The following MSR1 variants were observed in gnomAD, a reference collection of about 807,000 sequenced individuals.
MSR1 encodes the protein macrophage scavenger receptor types I and II.
A neutral mutation model predicts 47.2 loss-of-function variants in MSR1; 53 were observed. The ratio of observed to expected loss-of-function variants is 1.12; its 90% CI spans 0.90 to 1.41. MSR1 has a LOEUF of 1.41. MSR1 is among the 40% of genes most tolerant of loss of function. The pLI, the probability that MSR1 is intolerant of heterozygous loss-of-function variation, is 0.00. For synonymous variants in MSR1, 239 were observed against 185.6 expected (o/e 1.29, Z -2.34); for missense variants, 786 against 546.9 (o/e 1.44, Z -4.36).
At chr8:16,111,035 C>T (rs928428247) in intron 9 of MSR1, among the ~76,000 whole-genome samples, 1 of 150,934 alleles carries the variant, frequency 6.6e-6, no homozygotes, top group Non-Finnish European at 1.5e-5. Context: ...TTGCCAGGGA[C>T]ACTTTTTAGT....
At chr8:16,132,841 C>A (rs1461750626) in intron 8 of MSR1, among the ~76,000 whole-genome samples, 1 of 152,088 alleles carries the variant, frequency 6.6e-6, no homozygotes, top group African/African-American at 2.4e-5. Context: ...GCATCATTAT[C>A]TTGTGCTGGT....
intron 7 of MSR1, 53 bp from the exon 8 acceptor site, chr8:16,143,664 T>C: frequency 1.5e-6 from 2 of 1,354,502 alleles, no homozygotes. Context: ...TCACAATGTT[T>C]GCTTTAACTG....
At chr8:16,147,571 G>T (rs554184882) in intron 7 of MSR1, among the ~76,000 whole-genome samples, 1 of 152,234 alleles carries the variant, frequency 6.6e-6, no homozygotes, top group East Asian at 1.9e-4. Context: ...TCTTAGCTCT[G>T]AAATATATTA....
chr8:16,117,228 G>C (rs559736746), intron 9 of MSR1, among the ~76,000 whole-genome samples: 2 of 152,218 alleles, frequency 1.3e-5, no homozygotes, highest in East Asian at 3.9e-4. Flanking sequence ...GGCAGCATTA[G>C]ATACTCATAG....
chr8:16,140,650 A>G, intron 8 of MSR1: 1 of 1,203,448 alleles, frequency 8.3e-7, no homozygotes, highest in Non-Finnish European at 1.0e-6. Context: ...AGAACCCAAT[A>G]AATTAAATTG....
intron 1 of MSR1, chr8:16,186,227 T>C (rs1199840141): frequency 6.5e-7 from 1 of 1,532,948 alleles, no homozygotes. Flanking sequence ...GTTTTATTTA[T>C]TTCTGGGTAT....
At chr8:16,145,457 C>T (rs900244238) in intron 7 of MSR1, among the ~76,000 whole-genome samples, 1 of 152,030 alleles carries the variant, frequency 6.6e-6, no homozygotes, top group Non-Finnish European at 1.5e-5. Context: ...ATTATTTCAA[C>T]ATTAACTTCA....
intron 8 of MSR1, chr8:16,139,729 C>A (rs1262515979): frequency 1.3e-6 from 1 of 745,954 alleles, no homozygotes; most frequent in East Asian, 1.9e-4. Flanking sequence ...TGCCCAAGCT[C>A]GACTACACTT....
rs948195325 is a variant in MSR1 at position 16,108,706 on chromosome 8, T to A, written c.*1379A>T. 1 of 152,146 alleles carries A rather than the reference T, an allele frequency of 6.6e-6. No individual in the cohort carries two copies. The highest frequency in any genetic ancestry group is 1.5e-5 in the Non-Finnish European group (1 of 68,006). The allele number at this position is 152,146 out of a possible 1,614,324, so 9.4% of individuals were successfully genotyped here. A position where few individuals can be genotyped will look rare whatever the true frequency, so the allele number is the denominator to read the frequency against. ...GTAGAAGAATGTTACATGATAAAAA[T>A]GCATTTTCAGTAGGCTGTTTACAGT... On this transcript the variant is annotated 3_prime_UTR_variant, in exon 10 of 10. Coordinates refer to ENST00000262101, the MANE Select transcript of MSR1 (RefSeq NM_138715.3).
rs771140062 is a variant in MSR1, at chr8:16,110,063, T to C, written c.*22A>G. The C allele has an allele frequency of 1.2e-6, 2 of 1,612,964 alleles. No homozygotes were observed. The highest frequency in any genetic ancestry group is 2.2e-5 in the East Asian group (1 of 44,836). Reference sequence around the variant, plus strand: ...TCATTTTTGAGCAGCGATTTCATAGTTGTGAATGAAAATATGATGCATTAT... The same window carrying C: ...TCATTTTTGAGCAGCGATTTCATAGCTGTGAATGAAAATATGATGCATTAT... On this transcript the variant is annotated 3_prime_UTR_variant, in exon 10 of 10. Transcript: ENST00000262101.
intron 5 of MSR1, among the ~76,000 whole-genome samples, chr8:16,163,466 A>T (rs1279894912): frequency 6.6e-6 from 1 of 151,662 alleles, no homozygotes; most frequent in Non-Finnish European, 1.5e-5. Context: ...CAAAAAATCA[A>T]AATATAGAAA....
chr8:16,178,036 G>T, intron 1 of MSR1, 44 bp from the exon 2 acceptor site: 1 of 1,437,246 alleles, frequency 7.0e-7, no homozygotes, highest in Non-Finnish European at 9.8e-7. Flanking sequence ...ACATGAAATG[G>T]CTAGGGCTCT....
chr8:16,184,768 T>G (rs1801945768), intron 1 of MSR1, among the ~76,000 whole-genome samples: 1 of 152,162 alleles, frequency 6.6e-6, no homozygotes, highest in Non-Finnish European at 1.5e-5. Flanking sequence ...AGATGAAGCT[T>G]GATTTTGTTT....
At chr8:16,140,725 C>T (rs959772553) in intron 8 of MSR1, 176 of 1,384,076 alleles carry the variant, frequency 1.3e-4, no homozygotes, top group East Asian at 8.1e-4. Flanking sequence ...CCCTCCAGTC[C>T]GTGCATGAGA....
intron 5 of MSR1, among the ~76,000 whole-genome samples, chr8:16,156,274 G>A (rs1289525233): frequency 2.0e-5 from 3 of 151,900 alleles, no homozygotes; most frequent in Admixed American, 2.0e-4. Flanking sequence ...AATATATACA[G>A]CATCCCTGGT....
At chr8:16,118,024 T>C (rs528219182) in intron 9 of MSR1, among the ~76,000 whole-genome samples, 1 of 152,274 alleles carries the variant, frequency 6.6e-6, no homozygotes, top group East Asian at 1.9e-4. Flanking sequence ...GGAACCACTG[T>C]CTTAAAGAAA....
rs1801903758 is a variant in MSR1 at position 16,183,611 on chromosome 8, AAATATAT to A, written c.-4-5626_-4-5620del. 2.3e-5 allele frequency among the ~76,000 whole-genome samples: 3 copies of A among 129,336 alleles called. No individual in the cohort carries two copies. In the South Asian group the frequency reaches 7.4e-4, roughly 32 times the overall value. The allele number at this position is 129,336 out of a possible 152,430, so 84.8% of individuals were successfully genotyped here. ...TTACATAATATATTATATAATAGGC[AAATATAT>A]AATATATATAATATATAATATAATA... On this transcript the variant is annotated intron_variant, in intron 1 of 9. Coordinates refer to ENST00000262101, the MANE Select transcript of MSR1 (RefSeq NM_138715.3).
rs144740727 is a variant in MSR1 at position 16,191,167 on chromosome 8, G to C, written c.-5+1431C>G. On this transcript the variant is annotated intron_variant, in intron 1 of 9. Transcript: ENST00000262101. The stretch of plus-strand genomic sequence containing the variant: ...AATGAAAATTAAATTAAGATTATTT[G>C]TGAAACTAACAGCTTTATGCTTAAG... Among the ~76,000 whole-genome samples the C allele has an allele frequency of 1.1e-3, 170 of 152,274 alleles. 1 individual carries two copies. The highest frequency in any genetic ancestry group is 3.9e-3 in the African/African-American group (164 of 41,566).
At chr8:16,186,160 G>A (rs1186452468) in intron 1 of MSR1, 7 of 1,534,604 alleles carry the variant, frequency 4.6e-6, no homozygotes, top group Middle Eastern at 1.7e-4. Flanking sequence ...CATGCTCACG[G>A]TTTTTTGTTG....
Sources: allele counts gnomAD v4.1 joint callset (sites outside exome capture counted in the v4.1 genomes callset), GRCh38; gene constraint gnomAD v4.1.1; transcripts MANE v1.5; gene names NCBI Gene and HGNC (gene_info 2026-07-23, HGNC 2026-07-21).